Variants in GNAI1 observed in about 807,000 individuals in gnomAD.
GNAI1 encodes G protein subunit alpha i1, also known as guanine nucleotide-binding protein G(i) subunit alpha-1.
In GNAI1, 11 loss-of-function variants were observed where a neutral mutation model predicts 38.9. That is an observed-to-expected ratio of 0.28 (90% CI 0.18 to 0.47). The LOEUF is 0.47. Ranked by LOEUF, GNAI1 falls within the 20% of genes least tolerant of loss-of-function variation. The probability of loss-of-function intolerance (pLI) is 0.99; values close to 1 mark genes in which losing one functional copy is unlikely to be tolerated. For missense variants in GNAI1, 317 were observed against 436.9 expected (o/e 0.73, Z 2.45); for synonymous variants, 166 against 145.1 (o/e 1.14, Z -1.04).
At chr7:80,213,333 G>C (rs1056592379) in intron 7 of GNAI1, among the ~76,000 whole-genome samples, 2 of 152,124 alleles carry the variant, frequency 1.3e-5, no homozygotes, top group African/African-American at 4.8e-5. Flanking sequence ...CTTCCAGAAG[G>C]GCAGGGAAGG....
intron 1 of GNAI1, among the ~76,000 whole-genome samples, chr7:80,137,962 T>G (rs1240126764): frequency 6.6e-6 from 1 of 152,248 alleles, no homozygotes; most frequent in Admixed American, 6.5e-5. Context: ...TTTTGGTTCT[T>G]TTTTGAATCC....
At chr7:80,135,967 GCA>G (rs1396404975) in intron 1 of GNAI1, 1 of 985,182 alleles carries the variant, frequency 1.0e-6, no homozygotes, top group African/African-American at 1.7e-5. Flanking sequence ...AGTAGGCAAG[GCA>G]GATACTCGAG....
chr7:80,189,004 T>C lies in GNAI1; in HGVS notation c.161+11T>C. On this transcript the variant is annotated intron_variant, in intron 2 of 7. Coordinates refer to ENST00000649796, the MANE Select transcript of GNAI1 (RefSeq NM_002069.6). ...TGTGAAGCAGATGAAGTAAGTAGAT[T>C]TAAACACCAAATTTGCTGTTTAAGT... 1 of 1,607,052 alleles carries C rather than the reference T, an allele frequency of 6.2e-7. No homozygotes were observed. The highest frequency in any genetic ancestry group is 1.1e-5 in the South Asian group (1 of 90,908).
In GNAI1 at chr7:80,223,603, G is replaced by A. The variant is rs1004264535; in HGVS notation, c.*6110G>A. Among the ~76,000 whole-genome samples the A allele has an allele frequency of 6.6e-6, 1 of 152,120 alleles. No individual in the cohort carries two copies. Among genetic ancestry groups the A allele is most frequent in the Non-Finnish European group, 1.5e-5 (1 of 68,018 alleles). ...TAAATAGTACTGAGGTATCAATTTT[G>A]TAGCTTGTGGAATGCGGACTATCCC... On this transcript the variant is annotated 3_prime_UTR_variant, in exon 8 of 8. Transcript: ENST00000649796.
chr7:80,139,076 T>A (rs1787476331), intron 1 of GNAI1, among the ~76,000 whole-genome samples: 3 of 152,232 alleles, frequency 2.0e-5, no homozygotes, highest in Admixed American at 1.3e-4. Context: ...AAAAAGCCCA[T>A]TTCCTTGAAT....
rs1433259734 is a variant in GNAI1, at chr7:80,135,197, G to C, written c.37G>C (p.Val13Leu). ...CTLSAEDKAA[V>L]ERSKMIDRNL... ...GCTGAGCGCCGAGGACAAGGCGGCG[G>C]TGGAGCGGAGTAAGATGATCGACCG... The change falls in exon 1 of 8, where the codon GTG (valine) becomes CTG (leucine). Residue 13 changes from valine to leucine, a missense_variant. By Grantham distance (32) the Val-to-Leu change is conservative (BLOSUM62 1). Transcript: ENST00000649796. 1.3e-6 allele frequency: 2 copies of C among 1,556,090 alleles called. No homozygotes were observed. The highest frequency in any genetic ancestry group is 2.8e-5 in the African/African-American group (2 of 70,532).
At chr7:80,150,773 A>C (rs766951237) in intron 1 of GNAI1, among the ~76,000 whole-genome samples, 1 of 152,198 alleles carries the variant, frequency 6.6e-6, no homozygotes, top group Non-Finnish European at 1.5e-5. Context: ...CAATTTTGGC[A>C]TGTTTTTCTG....
At chr7:80,151,925 G>A (rs1286541854) in intron 1 of GNAI1, among the ~76,000 whole-genome samples, 2 of 152,186 alleles carry the variant, frequency 1.3e-5, no homozygotes, top group Admixed American at 1.3e-4. Flanking sequence ...TGAATTTCAA[G>A]TTCAGAGCTG....
At chr7:80,172,523 A>G (rs1245116258) in intron 1 of GNAI1, among the ~76,000 whole-genome samples, 2 of 152,188 alleles carry the variant, frequency 1.3e-5, no homozygotes, top group African/African-American at 2.4e-5. Context: ...CTATTCAGCA[A>G]TCTTTTGATG....
At chr7:80,156,214 A>G (rs759511544) in intron 1 of GNAI1, among the ~76,000 whole-genome samples, 2 of 152,102 alleles carry the variant, frequency 1.3e-5, no homozygotes, top group African/African-American at 2.4e-5. Context: ...GTCCTAAAAA[A>G]TATGTTGTAC....
At chr7:80,198,571 T>G (rs2115665988) in intron 3 of GNAI1, among the ~76,000 whole-genome samples, 1 of 152,260 alleles carries the variant, frequency 6.6e-6, no homozygotes, top group East Asian at 1.9e-4. Context: ...CATGAGTATT[T>G]CTACTCCAAA....
At chr7:80,196,246 G>C (rs1448396325) in intron 3 of GNAI1, among the ~76,000 whole-genome samples, 1 of 151,898 alleles carries the variant, frequency 6.6e-6, no homozygotes, top group Admixed American at 6.6e-5. Context: ...TTAGTAATTT[G>C]AAAATATTTT....
chr7:80,189,032 G>A (rs1458960473), intron 2 of GNAI1, 39 bp downstream of exon 2: 1 of 1,602,832 alleles, frequency 6.2e-7, no homozygotes, highest in Non-Finnish European at 8.5e-7. Flanking sequence ...GTTTAAGTTA[G>A]TGTACCGTTC....
At chr7:80,179,028 A>G (rs999911995) in intron 1 of GNAI1, among the ~76,000 whole-genome samples, 8 of 152,228 alleles carry the variant, frequency 5.3e-5, no homozygotes, top group Non-Finnish European at 1.2e-4. Flanking sequence ...TATTAAATGC[A>G]GGAATAGATA....
At chr7:80,179,137 C>T (rs1337845419) in intron 1 of GNAI1, among the ~76,000 whole-genome samples, 1 of 152,144 alleles carries the variant, frequency 6.6e-6, no homozygotes, top group Non-Finnish European at 1.5e-5. Flanking sequence ...ATAATTATTC[C>T]ATTAAAATAG....
At position 80,141,480 on chromosome 7, in the gene GNAI1, C is replaced by G. The variant is rs545224676; in HGVS notation, c.118+6202C>G. ...CATTAAATGGAAAGAAAAAAGGAGT[C>G]TCTAGTTTTGAGCACTTTCAAAACT... On this transcript the variant is annotated intron_variant, in intron 1 of 7. Coordinates refer to ENST00000649796, the MANE Select transcript of GNAI1 (RefSeq NM_002069.6). Among the ~76,000 whole-genome samples the G allele has an allele frequency of 3.9e-4, 59 of 152,250 alleles. 1 individual carries two copies. Among genetic ancestry groups the G allele is most frequent in the African/African-American group, 1.4e-3 (57 of 41,542 alleles).
At chr7:80,179,900 G>C (rs955426392) in intron 1 of GNAI1, among the ~76,000 whole-genome samples, 4 of 152,108 alleles carry the variant, frequency 2.6e-5, no homozygotes, top group Non-Finnish European at 5.9e-5. Context: ...CTGTCCCAGA[G>C]GATATATTAC....
chr7:80,139,800 A>G (rs1787490708), intron 1 of GNAI1, among the ~76,000 whole-genome samples: 1 of 152,104 alleles, frequency 6.6e-6, no homozygotes, highest in Non-Finnish European at 1.5e-5. Context: ...TCATATTTAT[A>G]AGAGCTTTTC....
intron 1 of GNAI1, among the ~76,000 whole-genome samples, chr7:80,145,254 C>G (rs1255762666): frequency 6.6e-6 from 1 of 152,114 alleles, no homozygotes; most frequent in African/African-American, 2.4e-5. Context: ...ACTTTGCAGT[C>G]ACTCTTTAAA....
Sources: gnomAD v4.1 joint callset for allele counts (sites outside exome capture counted in the v4.1 genomes callset) on GRCh38, gnomAD v4.1.1 for gene constraint, MANE v1.5 for transcripts, NCBI Gene and HGNC (gene_info 2026-07-23, HGNC 2026-07-21) for gene names.